The following DLG2 variants were observed in gnomAD, a reference collection of about 807,000 sequenced individuals.
DLG2 encodes the protein discs large MAGUK scaffold protein 2.
DLG2 carries 45 observed loss-of-function variants against 132.5 expected under a neutral mutation model. The observed-to-expected ratio is 0.34, with a 90% CI of 0.27 to 0.44. The LOEUF (loss-of-function observed/expected upper bound fraction) is 0.44, where lower values mean the gene tolerates loss of function less well. DLG2 is among the 20% of genes least tolerant of loss of function. The pLI is 1.00. For missense variants in DLG2, 1,045 were observed against 1,196.9 expected, an observed-to-expected ratio of 0.87 and a Z score of 1.87; for synonymous variants, 424 against 419.6, an observed-to-expected ratio of 1.01 and a Z score of -0.13.
intron 18 of DLG2, among the ~76,000 whole-genome samples, chr11:83,754,524 C>G (rs957031879): frequency 6.6e-6 from 1 of 151,356 alleles, no homozygotes; most frequent in Non-Finnish European, 1.5e-5. Flanking sequence ...TTATCATTTG[C>G]ATCAAGAAGG....
intron 6 of DLG2, among the ~76,000 whole-genome samples, chr11:84,970,402 G>A (rs2053935540): frequency 6.6e-6 from 1 of 152,070 alleles, no homozygotes; most frequent in South Asian, 2.1e-4. Flanking sequence ...TTTATTGGGT[G>A]TCCCTGTCTT....
chr11:85,184,673 T>C (rs2079969633), intron 4 of DLG2, among the ~76,000 whole-genome samples: 1 of 151,902 alleles, frequency 6.6e-6, no homozygotes, highest in Non-Finnish European at 1.5e-5. Flanking sequence ...GTAATACTAT[T>C]AGGGCATAAA....
At chr11:85,606,243 A>G (rs532660816) in intron 2 of DLG2, among the ~76,000 whole-genome samples, 1 of 152,196 alleles carries the variant, frequency 6.6e-6, no homozygotes. Context: ...GAATGATCAC[A>G]ATTTTATCAT....
At chr11:85,390,225 C>T (rs1376350527) in intron 3 of DLG2, among the ~76,000 whole-genome samples, 1 of 151,646 alleles carries the variant, frequency 6.6e-6, no homozygotes, top group East Asian at 1.9e-4. Flanking sequence ...AGACAAAACA[C>T]ACTTAAAGCA....
intron 6 of DLG2, among the ~76,000 whole-genome samples, chr11:84,712,381 G>A (rs2060546220): frequency 6.6e-6 from 1 of 152,018 alleles, no homozygotes; most frequent in African/African-American, 2.4e-5. Flanking sequence ...GGTCAATGCA[G>A]CCTGCTTGTT....
intron 18 of DLG2, among the ~76,000 whole-genome samples, chr11:83,755,403 C>T (rs932339688): frequency 1.9e-4 from 29 of 150,958 alleles, no homozygotes; most frequent in Non-Finnish European, 4.4e-5. Context: ...GTTTTCATTT[C>T]AATGTAATAG....
chr11:85,574,164 G>T (rs896195424), intron 3 of DLG2, among the ~76,000 whole-genome samples: 5 of 152,014 alleles, frequency 3.3e-5, no homozygotes, highest in South Asian at 2.1e-4. Context: ...AAGCTTCAGA[G>T]AATTTAATAA....
chr11:84,911,066 A>G (rs1378067152), intron 6 of DLG2, among the ~76,000 whole-genome samples: 1 of 152,170 alleles, frequency 6.6e-6, no homozygotes, highest in East Asian at 1.9e-4. Context: ...AGCAATTAGA[A>G]TGAAAAATAA....
chr11:85,202,177 GA>G (rs1418712117), intron 4 of DLG2, among the ~76,000 whole-genome samples: 1 of 150,584 alleles, frequency 6.6e-6, no homozygotes, highest in Non-Finnish European at 1.5e-5. Context: ...TGCAAACCTG[GA>G]AAAAAATATA....
chr11:84,925,917 TG>T lies in DLG2; in HGVS notation c.357+185743del, dbSNP rs537639976. On this transcript the variant is annotated intron_variant, in intron 6 of 27. Coordinates refer to ENST00000376104, the MANE Select transcript of DLG2 (RefSeq NM_001142699.3). Reference sequence around the variant, plus strand: ...ACACAGATTTGATTTTGCATAATATTGGAATACAGGAGCCTGAAGCCATGCA... The same window carrying T: ...ACACAGATTTGATTTTGCATAATATTGAATACAGGAGCCTGAAGCCATGCA... Among the ~76,000 whole-genome samples the T allele has an allele frequency of 1.4e-3, 210 of 152,244 alleles. 1 individual carries two copies. Among genetic ancestry groups the T allele is most frequent in the Middle Eastern group, 3.4e-3 (1 of 294 alleles).
chr11:83,695,121 G>A (rs764135474), intron 18 of DLG2, among the ~76,000 whole-genome samples: 2 of 152,130 alleles, frequency 1.3e-5, no homozygotes, highest in South Asian at 2.1e-4. Flanking sequence ...CATTCCATGT[G>A]AGGCTTAATT....
chr11:84,721,519 C>A (rs1430911660), intron 6 of DLG2, among the ~76,000 whole-genome samples: 2 of 146,802 alleles, frequency 1.4e-5, no homozygotes, highest in African/African-American at 2.6e-5. Context: ...TTGTTTTTAA[C>A]TGAGGCTGTC....
At chr11:84,383,554 T>C (rs2098756576) in intron 7 of DLG2, among the ~76,000 whole-genome samples, 1 of 152,124 alleles carries the variant, frequency 6.6e-6, no homozygotes, top group Non-Finnish European at 1.5e-5. Context: ...GACTCTCATG[T>C]TGGCCTTAAA....
chr11:84,265,751 T>C (rs1217597122), intron 7 of DLG2, among the ~76,000 whole-genome samples: 2 of 152,018 alleles, frequency 1.3e-5, no homozygotes, highest in Non-Finnish European at 2.9e-5. Context: ...AGTAAAAACA[T>C]TGGTGTAATT....
At chr11:85,433,112 A>G (rs2091284093) in intron 3 of DLG2, among the ~76,000 whole-genome samples, 1 of 152,322 alleles carries the variant, frequency 6.6e-6, no homozygotes, top group African/African-American at 2.4e-5. Flanking sequence ...TCATAGAGCA[A>G]ATGCTGAGAG....
chr11:83,745,010 A>G (rs572649925), intron 18 of DLG2, among the ~76,000 whole-genome samples: 3 of 152,200 alleles, frequency 2.0e-5, no homozygotes, highest in Non-Finnish European at 2.9e-5. Context: ...GGATGCTGCA[A>G]TACTCATACC....
At chr11:83,630,158 G>A (rs1475833743) in intron 19 of DLG2, among the ~76,000 whole-genome samples, 1 of 152,236 alleles carries the variant, frequency 6.6e-6, no homozygotes, top group East Asian at 1.9e-4. Context: ...TTAAAATACT[G>A]CCTGGCTCAG....
chr11:84,097,996 T>C (rs1163569202), intron 10 of DLG2, among the ~76,000 whole-genome samples: 1 of 150,456 alleles, frequency 6.6e-6, no homozygotes, highest in African/African-American at 2.4e-5. Flanking sequence ...GAGAAGTACC[T>C]GGCTGCACTC....
chr11:83,994,775 G>T (rs1266980842), intron 11 of DLG2, among the ~76,000 whole-genome samples: 1 of 152,062 alleles, frequency 6.6e-6, no homozygotes, highest in Non-Finnish European at 1.5e-5. Context: ...TCAAAGTTCT[G>T]CAGGCTAGAA....
Sources: allele counts gnomAD v4.1 joint callset (sites outside exome capture counted in the v4.1 genomes callset), GRCh38; gene constraint gnomAD v4.1.1; transcripts MANE v1.5; gene names NCBI Gene and HGNC (gene_info 2026-07-23, HGNC 2026-07-21).